The following CTNNBIP1 variants were observed in gnomAD, a reference collection of about 807,000 sequenced individuals.
The protein encoded by CTNNBIP1 is catenin beta interacting protein 1.
A neutral mutation model predicts 11.8 loss-of-function variants in CTNNBIP1; 7 were observed. The observed-to-expected ratio is 0.60, with a 90% CI of 0.34 to 1.12. CTNNBIP1 has a LOEUF of 1.12. CTNNBIP1 is among the 50% of genes most tolerant of loss of function. The probability of loss-of-function intolerance (pLI) is 0.03; values close to 1 mark genes in which losing one functional copy is unlikely to be tolerated. For missense variants in CTNNBIP1, 101 were observed against 113.4 expected (o/e 0.89, Z 0.50); for synonymous variants, 58 against 43.9 (o/e 1.32, Z -1.26).
At chr1:9,856,396 C>G (rs1279265223) in intron 5 of CTNNBIP1, among the ~76,000 whole-genome samples, 2 of 151,872 alleles carry the variant, frequency 1.3e-5, no homozygotes, top group African/African-American at 4.8e-5. Context: ...AGATTAAAAA[C>G]TTTTCTGTTT....
At chr1:9,857,563 G>A (rs1204614571) in intron 5 of CTNNBIP1, among the ~76,000 whole-genome samples, 1 of 151,766 alleles carries the variant, frequency 6.6e-6, no homozygotes, top group Non-Finnish European at 1.5e-5. Context: ...CACTTTGGGA[G>A]GCCGAGGCGG....
chr1:9,875,577 G>A (rs563904263), intron 3 of CTNNBIP1, among the ~76,000 whole-genome samples: 4 of 152,304 alleles, frequency 2.6e-5, no homozygotes, highest in Admixed American at 6.5e-5. Context: ...TGTCGTCTGC[G>A]CCTGCATTTT....
intron 3 of CTNNBIP1, among the ~76,000 whole-genome samples, chr1:9,875,803 T>C (rs1204650119): frequency 6.6e-6 from 1 of 152,158 alleles, no homozygotes; most frequent in Non-Finnish European, 1.5e-5. Flanking sequence ...TTCCCACCCT[T>C]CCCATTCCAA....
chr1:9,886,294 C>T (rs1485899052), intron 1 of CTNNBIP1, among the ~76,000 whole-genome samples: 1 of 152,200 alleles, frequency 6.6e-6, no homozygotes, highest in Non-Finnish European at 1.5e-5. Flanking sequence ...GGGTGCGTTT[C>T]TGCTGGAGGG....
rs1638345150 is a variant in CTNNBIP1 at position 9,850,029 on chromosome 1, C to G, written c.*689G>C. 1 of 152,654 alleles carries G rather than the reference C, an allele frequency of 6.6e-6. No homozygotes were observed. Among genetic ancestry groups the G allele is most frequent in the Admixed American group, 6.5e-5 (1 of 15,270 alleles). 9.5% of individuals were successfully genotyped at this position (152,654 alleles called of 1,614,324 possible). On this transcript the variant is annotated 3_prime_UTR_variant, in exon 6 of 6. Transcript: ENST00000377263. The stretch of plus-strand genomic sequence containing the variant: ...AGCCGGCAGCAGAGGGGGGTGAATC[C>G]ATGGCAACAGGAGTCACAGGTGAAC...
chr1:9,863,380 G>A (rs145363920), intron 5 of CTNNBIP1, among the ~76,000 whole-genome samples: 1 of 152,290 alleles, frequency 6.6e-6, no homozygotes, highest in East Asian at 1.9e-4. Context: ...TTCTCCCTGG[G>A]CCTGACTATA....
chr1:9,877,112 T>A (rs1382689948), intron 3 of CTNNBIP1, among the ~76,000 whole-genome samples: 1 of 152,218 alleles, frequency 6.6e-6, no homozygotes, highest in African/African-American at 2.4e-5. Flanking sequence ...TCGACCACCA[T>A]GTAATCTCCA....
chr1:9,908,814 C>T (rs1639672407), intron 1 of CTNNBIP1, among the ~76,000 whole-genome samples: 1 of 152,198 alleles, frequency 6.6e-6, no homozygotes, highest in African/African-American at 2.4e-5. Flanking sequence ...CCGTGTCTGT[C>T]TTCACCACTA....
chr1:9,882,866 G>A lies in CTNNBIP1; in HGVS notation c.-110+839C>T, dbSNP rs568759967. 4.3e-4 allele frequency among the ~76,000 whole-genome samples: 66 copies of A among 152,342 alleles called. 1 individual carries two copies. Among genetic ancestry groups the A allele is most frequent in the African/African-American group, 1.6e-3 (65 of 41,582 alleles). ...ATGGCACAAGTGCACGTGCCCTTGG[G>A]ATCAAGTCAGCACTACGGTGAACAT... On this transcript the variant is annotated intron_variant, in intron 2 of 5. Coordinates refer to ENST00000377263, the MANE Select transcript of CTNNBIP1 (RefSeq NM_020248.3).
At chr1:9,869,966 G>A (rs1175113913) in intron 5 of CTNNBIP1, among the ~76,000 whole-genome samples, 1 of 152,248 alleles carries the variant, frequency 6.6e-6, no homozygotes, top group South Asian at 2.1e-4. Context: ...CACCTGGGCA[G>A]ACACACCCAG....
At chr1:9,860,696 G>T (rs995462585) in intron 5 of CTNNBIP1, among the ~76,000 whole-genome samples, 2 of 151,916 alleles carry the variant, frequency 1.3e-5, no homozygotes, top group South Asian at 4.2e-4. Flanking sequence ...CTGGGGACAG[G>T]GAGCTTCTGC....
At chr1:9,868,467 T>G (rs1638792999) in intron 5 of CTNNBIP1, among the ~76,000 whole-genome samples, 1 of 152,244 alleles carries the variant, frequency 6.6e-6, no homozygotes, top group African/African-American at 2.4e-5. Flanking sequence ...ATTTTTATTC[T>G]TAACTGTGGG....
At position 9,882,600 on chromosome 1, in the gene CTNNBIP1, T is replaced by C. The variant is rs930258658; in HGVS notation, c.-110+1105A>G. Among the ~76,000 whole-genome samples, 9 of 152,008 alleles carry C rather than the reference T, an allele frequency of 5.9e-5. 1 individual carries two copies. The highest frequency in any genetic ancestry group is 4.6e-4 in the Admixed American group (7 of 15,278). ...CAGCAGAAGGAAGTCAAGCCTCAGC[T>C]TGAAAAGACCACTGTGGCCAAGGTG... is the stretch of plus-strand genomic sequence containing the variant. On this transcript the variant is annotated intron_variant, in intron 2 of 5. Coordinates refer to ENST00000377263, the MANE Select transcript of CTNNBIP1 (RefSeq NM_020248.3).
chr1:9,862,838 G>A (rs1014167431), intron 5 of CTNNBIP1, among the ~76,000 whole-genome samples: 23 of 152,202 alleles, frequency 1.5e-4, no homozygotes, highest in African/African-American at 5.3e-4. Flanking sequence ...AGTGCTGAGG[G>A]GTGGCACCGT....
At chr1:9,909,734 G>C (rs1056261604) in intron 1 of CTNNBIP1, among the ~76,000 whole-genome samples, 2 of 152,126 alleles carry the variant, frequency 1.3e-5, no homozygotes, top group Non-Finnish European at 2.9e-5. Context: ...GAAATATGGA[G>C]AGTAAGAGTC....
chr1:9,895,007 A>G (rs1356086710), intron 1 of CTNNBIP1, among the ~76,000 whole-genome samples: 1 of 147,748 alleles, frequency 6.8e-6, no homozygotes, highest in Non-Finnish European at 1.5e-5. Flanking sequence ...TCCCAGGTTC[A>G]CACCATTCTC....
At position 9,849,627 on chromosome 1, in the gene CTNNBIP1, A is replaced by G. The variant is rs759524669; in HGVS notation, c.*1091T>C. 6.6e-6 allele frequency: 1 copy of G among 152,246 alleles called. No individual in the cohort carries two copies. The highest frequency in any genetic ancestry group is 2.4e-5 in the African/African-American group (1 of 41,432). 9.4% of individuals were successfully genotyped at this position (152,246 alleles called of 1,614,324 possible). A position where few individuals can be genotyped will look rare whatever the true frequency, so the allele number is the denominator to read the frequency against. ...GTCTTTGGGGTCTCACACTGGGAGA[A>G]GCTCCTCCCCTTTCCAAGATGACCC... On this transcript the variant is annotated 3_prime_UTR_variant, in exon 6 of 6. Transcript: ENST00000377263.
chr1:9,893,624 G>A (rs1250023655), intron 1 of CTNNBIP1, among the ~76,000 whole-genome samples: 1 of 152,184 alleles, frequency 6.6e-6, no homozygotes, highest in Admixed American at 6.5e-5. Context: ...TATCTCAAGG[G>A]TCACTGGAAG....
At chr1:9,876,954 C>G (rs1638981041) in intron 3 of CTNNBIP1, among the ~76,000 whole-genome samples, 2 of 151,980 alleles carry the variant, frequency 1.3e-5, no homozygotes, top group African/African-American at 4.8e-5. Flanking sequence ...GAGGAAGTGG[C>G]TCCTGACCAC....
Sources: gnomAD v4.1 joint callset for allele counts (sites outside exome capture counted in the v4.1 genomes callset) on GRCh38, gnomAD v4.1.1 for gene constraint, MANE v1.5 for transcripts, NCBI Gene and HGNC (gene_info 2026-07-23, HGNC 2026-07-21) for gene names.